Variants in ST6GAL1 observed in about 807,000 individuals in gnomAD.
The protein encoded by ST6GAL1 is ST6 beta-galactoside alpha-2,6-sialyltransferase 1.
Under a neutral mutation model 38.0 loss-of-function variants are expected in ST6GAL1, and 20 were observed. The ratio of observed to expected loss-of-function variants is 0.53; its 90% CI spans 0.37 to 0.77. The LOEUF is 0.77. Ranked by LOEUF, ST6GAL1 falls within the 30% of genes least tolerant of loss-of-function variation. The pLI is 0.00. For synonymous variants in ST6GAL1, 196 were observed against 188.2 expected (o/e 1.04, Z -0.34); for missense variants, 432 against 496.4 (o/e 0.87, Z 1.23).
intron 2 of ST6GAL1, among the ~76,000 whole-genome samples, chr3:187,036,474 C>G (rs1443105653): frequency 1.3e-5 from 2 of 152,096 alleles, no homozygotes; most frequent in Admixed American, 1.3e-4. Context: ...GCACTATTCA[C>G]AATAGCAAAG....
At chr3:186,967,204 GT>G (rs1422776475) in intron 2 of ST6GAL1, among the ~76,000 whole-genome samples, 1 of 152,108 alleles carries the variant, frequency 6.6e-6, no homozygotes, top group African/African-American at 2.4e-5. Flanking sequence ...TTGTTCGTTT[GT>G]TTTTTAGACG....
intron 5 of ST6GAL1, among the ~76,000 whole-genome samples, chr3:187,063,817 G>A (rs1375294415): frequency 6.6e-6 from 1 of 152,222 alleles, no homozygotes; most frequent in Non-Finnish European, 1.5e-5. Context: ...AACACTTCCT[G>A]TGTGAGTGAC....
At chr3:186,957,001 A>C (rs34266471) in intron 1 of ST6GAL1, among the ~76,000 whole-genome samples, 1 of 152,232 alleles carries the variant, frequency 6.6e-6, no homozygotes, top group Non-Finnish European at 1.5e-5. Flanking sequence ...TTGCATTAAT[A>C]AAATAAAAGC....
intron 2 of ST6GAL1, among the ~76,000 whole-genome samples, chr3:187,033,530 A>G (rs1717826673): frequency 1.3e-5 from 2 of 152,232 alleles, no homozygotes; most frequent in Middle Eastern, 3.2e-3. Flanking sequence ...TTGGATATAC[A>G]TATCTTTTAA....
intron 2 of ST6GAL1, among the ~76,000 whole-genome samples, chr3:186,975,836 G>A (rs1201491573): frequency 6.6e-6 from 1 of 152,232 alleles, no homozygotes; most frequent in Non-Finnish European, 1.5e-5. Context: ...ACTCACGATT[G>A]GGACTAGGGT....
At chr3:187,022,194 G>C (rs1560165724) in intron 2 of ST6GAL1, among the ~76,000 whole-genome samples, 2 of 152,294 alleles carry the variant, frequency 1.3e-5, no homozygotes, top group South Asian at 2.1e-4. Context: ...TTTCCAGGTA[G>C]ATAGTGTTGG....
intron 2 of ST6GAL1, among the ~76,000 whole-genome samples, chr3:186,996,146 A>T (rs568791582): frequency 1.3e-5 from 2 of 152,218 alleles, no homozygotes; most frequent in Non-Finnish European, 2.9e-5. Flanking sequence ...GGACCAGTAT[A>T]TTGAATAGCA....
chr3:187,018,424 C>T (rs978932596), intron 2 of ST6GAL1, among the ~76,000 whole-genome samples: 2 of 151,970 alleles, frequency 1.3e-5, no homozygotes, highest in African/African-American at 4.8e-5. Flanking sequence ...TTGACTCACA[C>T]GGTCATGGAA....
intron 2 of ST6GAL1, among the ~76,000 whole-genome samples, chr3:186,990,462 G>A (rs1381995130): frequency 2.6e-5 from 4 of 152,116 alleles, no homozygotes; most frequent in Non-Finnish European, 5.9e-5. Flanking sequence ...TCAGTCCATG[G>A]TGTTAATATT....
intron 2 of ST6GAL1, among the ~76,000 whole-genome samples, chr3:186,982,186 C>G (rs1432642991): frequency 6.6e-6 from 1 of 152,176 alleles, no homozygotes; most frequent in Non-Finnish European, 1.5e-5. Context: ...ATAGGAAGTC[C>G]TTCCTTTTTT....
In ST6GAL1 at chr3:187,042,777, T is replaced by G; in HGVS notation, c.74T>G (p.Val25Gly). 1.9e-6 allele frequency: 3 copies of G among 1,614,166 alleles called. No homozygotes were observed. Among genetic ancestry groups the G allele is most frequent in the Non-Finnish European group, 2.5e-6 (3 of 1,180,012 alleles). ...TTTCTTCTGTTTGCAGTCATCTGTG[T>G]GTGGAAGGAAAAGAAGAAAGGGAGT... The part of the protein sequence containing the change: ...LVFLLFAVIC[V>G]WKEKKKGSYY... Residue 25 changes from valine (V) to glycine (G), a missense_variant, in exon 4 of 8, where the codon GTG becomes GGG. Coordinates refer to ENST00000169298, the MANE Select transcript of ST6GAL1 (RefSeq NM_173216.2).
chr3:187,008,897 CAT>C (rs542652528), intron 2 of ST6GAL1, among the ~76,000 whole-genome samples: 52 of 152,032 alleles, frequency 3.4e-4, no homozygotes, highest in African/African-American at 1.1e-3. Flanking sequence ...CATTTCATAA[CAT>C]ATTTAAATAT....
chr3:187,059,361 G>A (rs1718830985), intron 5 of ST6GAL1, among the ~76,000 whole-genome samples: 1 of 152,192 alleles, frequency 6.6e-6, no homozygotes, highest in African/African-American at 2.4e-5. Context: ...GACCAGCTTT[G>A]TCCCTTTCCC....
chr3:186,993,876 G>C (rs549873505), intron 2 of ST6GAL1, among the ~76,000 whole-genome samples: 1 of 152,108 alleles, frequency 6.6e-6, no homozygotes, highest in African/African-American at 2.4e-5. Flanking sequence ...TTATGTAAGC[G>C]ATACTTATAA....
At chr3:186,947,874 G>C (rs1314085924) in intron 1 of ST6GAL1, among the ~76,000 whole-genome samples, 1 of 152,226 alleles carries the variant, frequency 6.6e-6, no homozygotes, top group African/African-American at 2.4e-5. Context: ...TCTGCTGAGA[G>C]CATACATCTG....
At chr3:186,993,627 C>A in intron 2 of ST6GAL1, among the ~76,000 whole-genome samples, 1 of 150,810 alleles carries the variant, frequency 6.6e-6, no homozygotes, top group Admixed American at 6.6e-5. Flanking sequence ...AACTAAGAGG[C>A]CTAGGTAAAT....
chr3:187,062,999 T>C (rs1478595768), intron 5 of ST6GAL1, among the ~76,000 whole-genome samples: 1 of 152,176 alleles, frequency 6.6e-6, no homozygotes, highest in African/African-American at 2.4e-5. Context: ...CTGTGATTCA[T>C]TTTGGGAAGC....
chr3:186,950,488 G>A (rs920192190), intron 1 of ST6GAL1, among the ~76,000 whole-genome samples: 3 of 152,220 alleles, frequency 2.0e-5, no homozygotes, highest in Admixed American at 2.0e-4. Context: ...AGGAGCAGGA[G>A]TGGGCCTCCT....
chr3:187,056,007 T>G (rs28750501), intron 5 of ST6GAL1, among the ~76,000 whole-genome samples: 13,588 of 152,192 alleles, frequency 0.089, 2,061 homozygotes, highest in African/African-American at 0.31. Context: ...GGGTGCATAT[T>G]TATTTAGGAT....
Sources: allele counts gnomAD v4.1 joint callset (sites outside exome capture counted in the v4.1 genomes callset), GRCh38; gene constraint gnomAD v4.1.1; transcripts MANE v1.5; gene names NCBI Gene and HGNC (gene_info 2026-07-23, HGNC 2026-07-21).